Variants in CD46 observed in about 807,000 individuals in gnomAD.
CD46 encodes CD46 molecule, also known as membrane cofactor protein.
CD46 carries 30 observed loss-of-function variants against 53.3 expected under a neutral mutation model. The ratio of observed to expected loss-of-function variants is 0.56; its 90% CI spans 0.42 to 0.76. CD46 has a LOEUF of 0.76. CD46 is among the 30% of genes least tolerant of loss of function. CD46 has a pLI of 0.00. For synonymous variants in CD46, 142 were observed against 152.0 expected (o/e 0.93, Z 0.48); for missense variants, 409 against 463.0 (o/e 0.88, Z 1.07).
At chr1:207,767,590 ATTATT>A in intron 6 of CD46, 184 bp from the exon 7 acceptor site, 1 of 1,604,822 alleles carries the variant, frequency 6.2e-7, no homozygotes, top group Non-Finnish European at 8.5e-7. Context: ...ATCTTCTAAC[ATTATT>A]TTGTTTCCTA....
rs1458748201 is a variant in CD46 at position 207,776,008 on chromosome 1, C to T, written c.943+5646C>T. Among the ~76,000 whole-genome samples, 4 of 152,336 alleles carry T rather than the reference C, an allele frequency of 2.6e-5. No homozygotes were observed. In the East Asian group the frequency reaches 5.8e-4, roughly 22 times the overall value. The stretch of plus-strand genomic sequence containing the variant: ...AGAGGCAGTAGCCCTTACTGAGCTG[C>T]GGTGGGCTCCTCCAGTTTGTGCTTC... On this transcript the variant is annotated intron_variant, in intron 8 of 12. Coordinates refer to ENST00000367042, the MANE Select transcript of CD46 (RefSeq NM_172351.3).
At chr1:207,789,844 G>A (rs1659619686) in intron 11 of CD46, among the ~76,000 whole-genome samples, 2 of 143,042 alleles carry the variant, frequency 1.4e-5, no homozygotes, top group South Asian at 4.4e-4. Flanking sequence ...GATCAGCCTG[G>A]GCAACATAGT....
rs953758989 is a variant in CD46, at chr1:207,793,774, A to G, written c.*297A>G. On this transcript the variant is annotated 3_prime_UTR_variant, in exon 13 of 13. Transcript: ENST00000367042. ...AACTTGTATGAATTTGGGTATGAACAGATTGCCTGCTTTCCCTTAAATAAC... is the reference window on the plus strand; with the variant it reads ...AACTTGTATGAATTTGGGTATGAACGGATTGCCTGCTTTCCCTTAAATAAC... The G allele has an allele frequency of 3.0e-6, 2 of 665,426 alleles. No individual in the cohort carries two copies. The highest frequency in any genetic ancestry group is 5.6e-6 in the Non-Finnish European group (2 of 359,772). 41.2% of individuals were successfully genotyped at this position (665,426 alleles called of 1,614,324 possible). A position where few individuals can be genotyped will look rare whatever the true frequency, so the allele number is the denominator to read the frequency against.
intron 3 of CD46, among the ~76,000 whole-genome samples, chr1:207,758,211 G>A (rs1182635686): frequency 6.6e-6 from 1 of 152,146 alleles, no homozygotes; most frequent in African/African-American, 2.4e-5. Flanking sequence ...GGAGATACTA[G>A]ACATTTAAGA....
chr1:207,755,077 A>G (rs942335258), intron 1 of CD46, among the ~76,000 whole-genome samples: 2 of 151,994 alleles, frequency 1.3e-5, no homozygotes, highest in African/African-American at 4.8e-5. Flanking sequence ...AGCCCTGATC[A>G]TACTCCAGCT....
intron 8 of CD46, 124 bp downstream of exon 8, chr1:207,770,486 G>A: frequency 7.1e-6 from 5 of 705,714 alleles, no homozygotes; most frequent in South Asian, 3.2e-5. Flanking sequence ...CGTGTGCCAT[G>A]TTGGTTTGCT....
At chr1:207,779,222 G>C (rs2102657191) in intron 8 of CD46, among the ~76,000 whole-genome samples, 1 of 152,204 alleles carries the variant, frequency 6.6e-6, no homozygotes, top group South Asian at 2.1e-4. Context: ...GAATCATGTT[G>C]TCTGTGGACA....
intron 1 of CD46, among the ~76,000 whole-genome samples, chr1:207,755,643 G>C (rs185464439): frequency 1.1e-3 from 166 of 152,276 alleles, no homozygotes; most frequent in Non-Finnish European, 2.0e-3. Context: ...CTTATTTCCA[G>C]TGAAAGAAGC....
At chr1:207,783,560 T>C (rs1418100745) in intron 9 of CD46, 3 of 410,928 alleles carry the variant, frequency 7.3e-6, no homozygotes, top group East Asian at 8.2e-5. Flanking sequence ...TCATATCTTA[T>C]ATACATGAAC....
intron 7 of CD46, 81 bp downstream of exon 7, chr1:207,767,904 G>A (rs1350456095): frequency 5.2e-6 from 6 of 1,147,896 alleles, no homozygotes; most frequent in East Asian, 2.3e-5. Context: ...CAAATTTCTG[G>A]TGATGTTCAC....
rs1287909008 is a variant in CD46 at position 207,791,595 on chromosome 1, A to G, written c.*41+1250A>G. 2.6e-5 allele frequency among the ~76,000 whole-genome samples: 4 copies of G among 152,352 alleles called. No individual in the cohort carries two copies. The East Asian group carries it at 7.7e-4, about 29-fold the overall frequency. ...TTCATCATGATACTCAGAATGGCAC[A>G]CAATCTAAAACGTAGTTCTGTAATT... On this transcript the variant is annotated intron_variant, in intron 12 of 12. Transcript: ENST00000367042.
At chr1:207,772,763 G>C (rs1207740489) in intron 8 of CD46, among the ~76,000 whole-genome samples, 1 of 152,178 alleles carries the variant, frequency 6.6e-6, no homozygotes, top group Non-Finnish European at 1.5e-5. Flanking sequence ...CTTGATTGTG[G>C]TGGATAAGCT....
chr1:207,794,100 T>C lies in CD46; in HGVS notation c.*623T>C, dbSNP rs1660045420. The C allele has an allele frequency of 6.5e-6, 1 of 153,600 alleles. No individual in the cohort carries two copies. The highest frequency in any genetic ancestry group is 1.5e-5 in the Non-Finnish European group (1 of 68,918). 9.5% of individuals were successfully genotyped at this position (153,600 alleles called of 1,614,324 possible). Reference sequence around the variant, plus strand: ...ACAAGAACACTGAAAATTGGGAATATGCACAAACTTGGCTTCTTTAACCAA... The same window carrying C: ...ACAAGAACACTGAAAATTGGGAATACGCACAAACTTGGCTTCTTTAACCAA... On this transcript the variant is annotated 3_prime_UTR_variant, in exon 13 of 13. Transcript: ENST00000367042.
intron 5 of CD46, 117 bp downstream of exon 5, chr1:207,761,563 G>C (rs1656222898): frequency 1.2e-6 from 1 of 816,642 alleles, no homozygotes; most frequent in African/African-American, 1.7e-5. Context: ...TGTATAATTG[G>C]TTTCTAATTT....
intron 8 of CD46, among the ~76,000 whole-genome samples, chr1:207,770,894 T>TTA (rs1403428353): frequency 6.6e-6 from 1 of 152,216 alleles, no homozygotes; most frequent in East Asian, 1.9e-4. Flanking sequence ...GTAGCATGAT[T>TTA]TATAATCCTT....
chr1:207,782,702 C>G (rs1658877024), intron 8 of CD46, among the ~76,000 whole-genome samples: 1 of 124,806 alleles, frequency 8.0e-6, no homozygotes, highest in Non-Finnish European at 1.6e-5. Context: ...GACTGGAGTG[C>G]AGTGGCTGTG....
At chr1:207,785,345 A>C (rs1230002445) in intron 10 of CD46, among the ~76,000 whole-genome samples, 2 of 152,214 alleles carry the variant, frequency 1.3e-5, no homozygotes, top group Admixed American at 1.3e-4. Flanking sequence ...ATATTTTCTC[A>C]AGATGATCAG....
At position 207,783,347 on chromosome 1, in the gene CD46, T is replaced by C. The variant is rs772575669; in HGVS notation, c.982+17T>C. The C allele has an allele frequency of 1.0e-5, 15 of 1,495,138 alleles. No homozygotes were observed. In the Admixed American group the frequency reaches 1.8e-4, roughly 18 times the overall value. The allele number at this position is 1,495,138 out of a possible 1,614,324, so 92.6% of individuals were successfully genotyped here. ...ACAGTTTGGGTTGGTATAGCTATCA[T>C]GACAAATATAAGTGGTAGTATGTGT... On this transcript the variant is annotated intron_variant, in intron 9 of 12. Coordinates refer to ENST00000367042, the MANE Select transcript of CD46 (RefSeq NM_172351.3).
At chr1:207,782,279 TAACTG>T (rs1658817844) in intron 8 of CD46, among the ~76,000 whole-genome samples, 1 of 152,222 alleles carries the variant, frequency 6.6e-6, no homozygotes, top group African/African-American at 2.4e-5. Context: ...ACCTGCCACT[TAACTG>T]AATTCATTTA....
Sources: gnomAD v4.1 joint callset for allele counts (sites outside exome capture counted in the v4.1 genomes callset) on GRCh38, gnomAD v4.1.1 for gene constraint, MANE v1.5 for transcripts, NCBI Gene and HGNC (gene_info 2026-07-23, HGNC 2026-07-21) for gene names.